Variants in ZNF827 observed in about 807,000 individuals in gnomAD.
ZNF827 encodes zinc finger protein 827.
In ZNF827, 13 loss-of-function variants were observed where a neutral mutation model predicts 102.4. That is an observed-to-expected ratio of 0.13 (90% CI 0.08 to 0.20). ZNF827 has a LOEUF of 0.20. Ranked by LOEUF, ZNF827 falls within the 10% of genes least tolerant of loss-of-function variation. The probability of loss-of-function intolerance (pLI) is 1.00; values close to 1 mark genes in which losing one functional copy is unlikely to be tolerated. For missense variants in ZNF827, 1,103 were observed against 1,344.4 expected (o/e 0.82, Z 2.81); for synonymous variants, 523 against 536.2 (o/e 0.98, Z 0.34).
intron 8 of ZNF827, among the ~76,000 whole-genome samples, chr4:145,805,959 AC>A: frequency 6.8e-6 from 1 of 147,230 alleles, no homozygotes; most frequent in East Asian, 2.0e-4. Context: ...CCCTTCCCAA[AC>A]CCCCTCTTTC....
In ZNF827 at chr4:145,894,592, T is replaced by C. The variant is rs77570561; in HGVS notation, c.1094-2177A>G. Among the ~76,000 whole-genome samples, 60 of 152,324 alleles carry C rather than the reference T, an allele frequency of 3.9e-4. No homozygotes were observed. The East Asian group carries it at 5.0e-3, about 13-fold the overall frequency. ...CATTCCAAAAATGCAGTTTTACTAA[T>C]ACAGGTCTATTGGTTAGCTCAACCA... On this transcript the variant is annotated intron_variant, in intron 2 of 14. Transcript: ENST00000508784.
chr4:145,789,644 C>T (rs975744826), intron 8 of ZNF827, among the ~76,000 whole-genome samples: 13 of 152,112 alleles, frequency 8.5e-5, no homozygotes, highest in East Asian at 1.9e-4. Flanking sequence ...TTCCCAAACC[C>T]GAATCTGTCT....
chr4:145,789,621 TA>T (rs1306895108), intron 8 of ZNF827, among the ~76,000 whole-genome samples: 1 of 152,222 alleles, frequency 6.6e-6, no homozygotes, highest in Non-Finnish European at 1.5e-5. Flanking sequence ...ACCTAGCTGG[TA>T]AGTGATAGCC....
intron 1 of ZNF827, among the ~76,000 whole-genome samples, chr4:145,903,851 C>T (rs186404414): frequency 2.3e-4 from 35 of 152,252 alleles, no homozygotes; most frequent in East Asian, 3.8e-4. Context: ...AGTCAAGTAC[C>T]GTATAAAATC....
chr4:145,908,015 A>G (rs1216639733), intron 1 of ZNF827, among the ~76,000 whole-genome samples: 1 of 152,214 alleles, frequency 6.6e-6, no homozygotes, highest in East Asian at 1.9e-4. Flanking sequence ...GTAACTTGAT[A>G]TCTACAACTC....
chr4:145,916,237 G>A (rs774929739), intron 1 of ZNF827, among the ~76,000 whole-genome samples: 1 of 152,242 alleles, frequency 6.6e-6, no homozygotes, highest in African/African-American at 2.4e-5. Context: ...TGGGCCCCCA[G>A]GCGGTCGTGA....
chr4:145,936,124 A>C (rs1754147362), intron 1 of ZNF827, among the ~76,000 whole-genome samples: 1 of 152,166 alleles, frequency 6.6e-6, no homozygotes, highest in Non-Finnish European at 1.5e-5. Flanking sequence ...ATTTTGTCCA[A>C]GCACGGCAGA....
At chr4:145,821,304 T>C (rs1451838824) in intron 8 of ZNF827, among the ~76,000 whole-genome samples, 3 of 152,200 alleles carry the variant, frequency 2.0e-5, no homozygotes, top group African/African-American at 7.2e-5. Context: ...GAATGTATAG[T>C]AGGTATATTT....
At chr4:145,823,182 G>A (rs1472550271) in intron 8 of ZNF827, among the ~76,000 whole-genome samples, 1 of 152,190 alleles carries the variant, frequency 6.6e-6, no homozygotes, top group Non-Finnish European at 1.5e-5. Flanking sequence ...TTATGTGGGT[G>A]AAATATCAGC....
intron 8 of ZNF827, among the ~76,000 whole-genome samples, chr4:145,781,195 C>CAAAAAA (rs10605153): frequency 4.4e-4 from 25 of 56,544 alleles, no homozygotes; most frequent in South Asian, 1.1e-3. Flanking sequence ...GACACCATCT[C>CAAAAAA]AAAAAAAAAA....
intron 8 of ZNF827, among the ~76,000 whole-genome samples, chr4:145,805,765 C>T (rs566578126): frequency 6.6e-6 from 1 of 152,262 alleles, no homozygotes; most frequent in South Asian, 2.1e-4. Flanking sequence ...CCTCCAGCCT[C>T]ACCTCCCTTC....
chr4:145,855,405 G>T (rs1746982678), intron 5 of ZNF827, among the ~76,000 whole-genome samples: 1 of 152,196 alleles, frequency 6.6e-6, no homozygotes, highest in Non-Finnish European at 1.5e-5. Context: ...TATGAAATTT[G>T]ATTCCTGCAG....
chr4:145,836,427 C>T (rs1367378309), intron 7 of ZNF827, among the ~76,000 whole-genome samples: 3 of 152,110 alleles, frequency 2.0e-5, no homozygotes. Flanking sequence ...TTTTAGAGGC[C>T]CTCAAAATCA....
chr4:145,903,143 G>A lies in ZNF827; in HGVS notation c.116C>T (p.Thr39Ile), dbSNP rs1751566141. 6.2e-7 allele frequency: 1 copy of A among 1,614,206 alleles called. No homozygotes were observed. The highest frequency in any genetic ancestry group is 1.1e-5 in the South Asian group (1 of 91,074). ...GEHWYGNSSE[T>I]PSEASYGEVQ... Reference sequence around the variant, plus strand: ...TTCCCCATAGGATGCTTCTGACGGAGTCTCTGAAGAGTTTCCATACCAGTG... The same window carrying A: ...TTCCCCATAGGATGCTTCTGACGGAATCTCTGAAGAGTTTCCATACCAGTG... The change falls in exon 2 of 15, where the codon ACT becomes ATT. Residue 39 changes from threonine to isoleucine, a missense_variant. Transcript: ENST00000508784.
chr4:145,844,677 CAAATAAAT>C (rs72118300), intron 7 of ZNF827, among the ~76,000 whole-genome samples: 34,990 of 128,102 alleles, frequency 0.27, 4,964 homozygotes, highest in Middle Eastern at 0.31. Context: ...GAGACTGTCT[CAAATAAAT>C]AAATAAATAA....
intron 3 of ZNF827, among the ~76,000 whole-genome samples, chr4:145,886,984 GGCCTGAGCCAGGCTTTGA>G (rs1750170985): frequency 6.6e-6 from 1 of 152,236 alleles, no homozygotes; most frequent in East Asian, 1.9e-4. Flanking sequence ...TCATTGCATT[GGCCTGAGCCAGGCTTTGA>G]GCTGGCAGGT....
chr4:145,845,180 C>T (rs1259746876), intron 7 of ZNF827, among the ~76,000 whole-genome samples: 3 of 152,182 alleles, frequency 2.0e-5, no homozygotes, highest in East Asian at 3.9e-4. Context: ...GAATGCATTT[C>T]CCCTGAGCTC....
At chr4:145,848,992 A>C (rs1034481339) in intron 6 of ZNF827, among the ~76,000 whole-genome samples, 3 of 152,100 alleles carry the variant, frequency 2.0e-5, no homozygotes, top group Admixed American at 6.5e-5. Flanking sequence ...TTGCACATTA[A>C]AAAAAAGCCT....
At chr4:145,881,746 A>G (rs1256547661) in intron 4 of ZNF827, among the ~76,000 whole-genome samples, 1 of 152,102 alleles carries the variant, frequency 6.6e-6, no homozygotes, top group African/African-American at 2.4e-5. Context: ...CCTCTCCTTC[A>G]TGTCAACCTT....
Sources: allele counts gnomAD v4.1 joint callset (sites outside exome capture counted in the v4.1 genomes callset), GRCh38; gene constraint gnomAD v4.1.1; transcripts MANE v1.5; gene names NCBI Gene and HGNC (gene_info 2026-07-23, HGNC 2026-07-21).